The following ADAMTSL1 variants were observed in gnomAD, a reference collection of about 807,000 sequenced individuals.
ADAMTSL1 encodes the protein ADAMTS like 1, also known as ADAMTS-like protein 1.
A neutral mutation model predicts 201.8 loss-of-function variants in ADAMTSL1; 126 were observed. That is an observed-to-expected ratio of 0.62 (90% CI 0.54 to 0.72). The LOEUF (loss-of-function observed/expected upper bound fraction) is 0.72, where lower values mean the gene tolerates loss of function less well. Among genes scored for constraint, ADAMTSL1 ranks in the 30% least tolerant of loss-of-function variants. The pLI, the probability that ADAMTSL1 is intolerant of heterozygous loss-of-function variation, is 0.00. For synonymous variants in ADAMTSL1, 1,121 were observed against 903.4 expected (o/e 1.24, Z -4.32); for missense variants, 2,679 against 2,277.8 (o/e 1.18, Z -3.59).
intron 3 of ADAMTSL1, among the ~76,000 whole-genome samples, chr9:18,560,190 C>A (rs1454064938): frequency 6.6e-6 from 1 of 152,030 alleles, no homozygotes; most frequent in Non-Finnish European, 1.5e-5. Flanking sequence ...TCCATCAATA[C>A]CTAATTTATT....
intron 14 of ADAMTSL1, among the ~76,000 whole-genome samples, chr9:18,708,185 T>C (rs1351008993): frequency 2.0e-5 from 3 of 152,238 alleles, no homozygotes; most frequent in African/African-American, 7.2e-5. Context: ...AAGGCATCTT[T>C]TGTCATGATT....
intron 2 of ADAMTSL1, among the ~76,000 whole-genome samples, chr9:18,241,051 G>A (rs535901481): frequency 2.1e-4 from 32 of 152,186 alleles, no homozygotes; most frequent in African/African-American, 6.3e-4. Flanking sequence ...TTTCCATATC[G>A]TCATTATGGC....
At chr9:18,310,558 C>T (rs1168436857) in intron 2 of ADAMTSL1, among the ~76,000 whole-genome samples, 1 of 151,956 alleles carries the variant, frequency 6.6e-6, no homozygotes, top group Non-Finnish European at 1.5e-5. Context: ...TGAACAGACA[C>T]TTCTCAAAAG....
At chr9:17,918,412 T>G (rs1826185030) in intron 1 of ADAMTSL1, among the ~76,000 whole-genome samples, 1 of 151,848 alleles carries the variant, frequency 6.6e-6, no homozygotes, top group Non-Finnish European at 1.5e-5. Context: ...TAGAAATGGT[T>G]GTTTGGTTTC....
intron 2 of ADAMTSL1, among the ~76,000 whole-genome samples, chr9:18,258,252 C>G (rs1022823269): frequency 3.9e-5 from 6 of 152,096 alleles, no homozygotes; most frequent in African/African-American, 1.4e-4. Context: ...AACCAGAGTT[C>G]CTTTCTCAAA....
At chr9:17,982,191 C>G (rs1671523903) in intron 1 of ADAMTSL1, among the ~76,000 whole-genome samples, 1 of 152,180 alleles carries the variant, frequency 6.6e-6, no homozygotes, top group Non-Finnish European at 1.5e-5. Flanking sequence ...ACATTCATTA[C>G]TGACATAGCA....
chr9:18,301,762 A>G (rs935651597), intron 2 of ADAMTSL1, among the ~76,000 whole-genome samples: 2 of 152,220 alleles, frequency 1.3e-5, no homozygotes, highest in Admixed American at 6.5e-5. Context: ...AGAAATTAGA[A>G]AATGTACTAA....
intron 1 of ADAMTSL1, among the ~76,000 whole-genome samples, chr9:18,486,380 G>A (rs920890642): frequency 1.3e-5 from 2 of 152,180 alleles, no homozygotes; most frequent in Admixed American, 6.5e-5. Context: ...CTCTCAGCGA[G>A]CTTTTAAAAA....
At chr9:18,172,405 G>A (rs1827941052) in intron 2 of ADAMTSL1, among the ~76,000 whole-genome samples, 1 of 152,042 alleles carries the variant, frequency 6.6e-6, no homozygotes, top group Non-Finnish European at 1.5e-5. Flanking sequence ...CATCATAAGG[G>A]ATTTACAAAT....
chr9:18,772,742 G>C (rs1820766794), intron 17 of ADAMTSL1, among the ~76,000 whole-genome samples: 1 of 152,140 alleles, frequency 6.6e-6, no homozygotes, highest in South Asian at 2.1e-4. Flanking sequence ...CACTTGTCAT[G>C]AGAAGGAAAG....
intron 3 of ADAMTSL1, among the ~76,000 whole-genome samples, chr9:18,567,505 T>C (rs1014565213): frequency 1.1e-4 from 17 of 152,068 alleles, no homozygotes; most frequent in African/African-American, 4.1e-4. Context: ...AGAGTTGACA[T>C]TGGGTTGGGG....
intron 3 of ADAMTSL1, among the ~76,000 whole-genome samples, chr9:18,552,017 A>C (rs1820826333): frequency 6.6e-6 from 1 of 151,906 alleles, no homozygotes; most frequent in African/African-American, 2.4e-5. Context: ...TTCATCATTT[A>C]ATGAAATTTG....
intron 2 of ADAMTSL1, among the ~76,000 whole-genome samples, chr9:18,360,939 A>C (rs755878948): frequency 1.3e-5 from 2 of 152,308 alleles, no homozygotes; most frequent in South Asian, 4.2e-4. Flanking sequence ...CAAATAAATG[A>C]ACAAATCTCA....
At position 17,933,186 on chromosome 9, in the gene ADAMTSL1, G is replaced by A. The variant is rs910115696; in HGVS notation, c.87+26264G>A. Among the ~76,000 whole-genome samples the A allele has an allele frequency of 1.5e-4, 23 of 152,270 alleles. No homozygotes were observed. The South Asian group carries it at 4.8e-3, about 32-fold the overall frequency. ...CTACCGTGGCCCTGGGGAAGGATCT[G>A]TTCCTTGCTGCTTCTGGGTTCTGGT... On this transcript the variant is annotated intron_variant, in intron 1 of 29. Coordinates refer to the ADAMTSL1 transcript ENST00000680146.
intron 1 of ADAMTSL1, among the ~76,000 whole-genome samples, chr9:18,156,164 A>C (rs1827141216): frequency 6.6e-6 from 1 of 152,012 alleles, no homozygotes; most frequent in South Asian, 2.1e-4. Flanking sequence ...TCATTGGAAC[A>C]GCCCTCGGAA....
At chr9:18,698,770 T>G (rs1265564476) in intron 13 of ADAMTSL1, among the ~76,000 whole-genome samples, 1 of 152,186 alleles carries the variant, frequency 6.6e-6, no homozygotes, top group Non-Finnish European at 1.5e-5. Flanking sequence ...CCATTGGAAA[T>G]GAGACAGAAT....
At chr9:17,944,603 G>T (rs1221831520) in intron 1 of ADAMTSL1, among the ~76,000 whole-genome samples, 1 of 139,816 alleles carries the variant, frequency 7.2e-6, no homozygotes, top group African/African-American at 2.6e-5. Flanking sequence ...CATGGTACTG[G>T]TACCAAAACA....
chr9:18,137,438 AT>A (rs1165351526), intron 1 of ADAMTSL1, among the ~76,000 whole-genome samples: 1 of 152,148 alleles, frequency 6.6e-6, no homozygotes, highest in Non-Finnish European at 1.5e-5. Context: ...TCTTCCAATC[AT>A]TTAAAAAAAT....
chr9:18,189,858 G>A (rs1828898716), intron 2 of ADAMTSL1, among the ~76,000 whole-genome samples: 1 of 152,100 alleles, frequency 6.6e-6, no homozygotes, highest in Non-Finnish European at 1.5e-5. Flanking sequence ...CCTTTTGAAA[G>A]GTTTTTGTAC....
Sources: gnomAD v4.1 joint callset for allele counts (sites outside exome capture counted in the v4.1 genomes callset) on GRCh38, gnomAD v4.1.1 for gene constraint, MANE v1.5 for transcripts, NCBI Gene and HGNC (gene_info 2026-07-23, HGNC 2026-07-21) for gene names.